C12orf56: variants seen among roughly 807,000 people sequenced by gnomAD.
C12orf56 encodes the protein uncharacterized protein C12orf56.
A neutral mutation model predicts 69.9 loss-of-function variants in C12orf56; 71 were observed. That is an observed-to-expected ratio of 1.02 (90% confidence interval 0.84 to 1.24). The LOEUF is 1.24. Ranked by LOEUF, C12orf56 falls within the 50% of genes most tolerant of loss-of-function variation. C12orf56 has a pLI of 0.00. For synonymous variants in C12orf56, 276 were observed against 274.1 expected (o/e 1.01, Z -0.07); for missense variants, 732 against 738.5 (o/e 0.99, Z 0.10).
intron 3 of C12orf56, among the ~76,000 whole-genome samples, chr12:64,319,238 G>GTATA (rs1480693271): frequency 6.6e-6 from 1 of 152,182 alleles, no homozygotes; most frequent in African/African-American, 2.4e-5. Flanking sequence ...ATGAAGCACT[G>GTATA]TATATATTGA....
chr12:64,348,192 T>C (rs1592475252), intron 2 of C12orf56, among the ~76,000 whole-genome samples: 1 of 152,118 alleles, frequency 6.6e-6, no homozygotes, highest in Non-Finnish European at 1.5e-5. Context: ...GCAGGAGAAT[T>C]GCTTGAACCT....
Position 64,322,859 on chromosome 12 carries a change from A to G in C12orf56, c.489-3879T>C, listed in dbSNP as rs903084520. On this transcript the variant is annotated intron_variant, in intron 3 of 12. Transcript: ENST00000543942. ...GTGCTAAAAAACTATGGGACAGTAG[A>G]CCCAGCTCCCTCTTCACCCTCCTTT... Among the ~76,000 whole-genome samples, 5 of 152,124 alleles carry G rather than the reference A, an allele frequency of 3.3e-5. No individual in the cohort carries two copies. In the East Asian group the frequency reaches 9.6e-4, roughly 29 times the overall value.
chr12:64,349,186 A>G (rs1407278630), intron 2 of C12orf56, among the ~76,000 whole-genome samples: 1 of 152,220 alleles, frequency 6.6e-6, no homozygotes, highest in Admixed American at 6.5e-5. Flanking sequence ...GAATAAAACA[A>G]TCCTATCAAA....
rs895834626 is a variant in C12orf56, at chr12:64,266,861, C to G, written c.*322G>C. ...AAGTGAGTACAGCTTTCCTAAATCC[C>G]TGCATTCCTTTTTCCTGTGTCTTGA... is the stretch of plus-strand genomic sequence containing the variant. On this transcript the variant is annotated 3_prime_UTR_variant, in exon 13 of 13. Transcript: ENST00000543942. 1 of 328,806 alleles carries G rather than the reference C, an allele frequency of 3.0e-6. No individual in the cohort carries two copies. The highest frequency in any genetic ancestry group is 5.5e-6 in the Non-Finnish European group (1 of 183,160). The allele number at this position is 328,806 out of a possible 1,614,324, so 20.4% of individuals were successfully genotyped here.
chr12:64,362,399 A>G (rs1296800773), intron 1 of C12orf56, among the ~76,000 whole-genome samples: 2 of 152,144 alleles, frequency 1.3e-5, no homozygotes, highest in Non-Finnish European at 2.9e-5. Context: ...CTTTATTAAC[A>G]AAGTAAACGA....
intron 1 of C12orf56, among the ~76,000 whole-genome samples, chr12:64,370,214 G>T (rs533661417): frequency 1.3e-5 from 2 of 148,732 alleles, no homozygotes; most frequent in Admixed American, 1.3e-4. Context: ...GTGTGGTGGC[G>T]GGCACCTGTA....
intron 1 of C12orf56, among the ~76,000 whole-genome samples, chr12:64,356,179 A>AC (rs371654958): frequency 0.083 from 12,139 of 146,068 alleles, 648 homozygotes; most frequent in Middle Eastern, 0.14. Context: ...TCAAAAAAAA[A>AC]AAAAAAAAAA....
intron 2 of C12orf56, among the ~76,000 whole-genome samples, chr12:64,348,885 A>G (rs1183176645): frequency 1.3e-5 from 2 of 152,232 alleles, no homozygotes; most frequent in East Asian, 1.9e-4. Context: ...AGATTGTGAC[A>G]TTGGAATAAA....
chr12:64,319,182 T>C (rs1392157473), intron 3 of C12orf56, among the ~76,000 whole-genome samples: 1 of 152,170 alleles, frequency 6.6e-6, no homozygotes, highest in Non-Finnish European at 1.5e-5. Context: ...TACGTTTCTG[T>C]TTTCAGAAAT....
At chr12:64,322,411 C>T (rs1421350229) in intron 3 of C12orf56, among the ~76,000 whole-genome samples, 2 of 147,228 alleles carry the variant, frequency 1.4e-5, no homozygotes, top group Non-Finnish European at 3.0e-5. Flanking sequence ...CTAAACTTTC[C>T]ATTTGGTCCC....
intron 1 of C12orf56, among the ~76,000 whole-genome samples, chr12:64,385,315 A>G (rs1031547150): frequency 6.6e-6 from 1 of 152,128 alleles, no homozygotes; most frequent in Non-Finnish European, 1.5e-5. Context: ...CAAAACAAAC[A>G]TGTGTAGACT....
intron 6 of C12orf56, among the ~76,000 whole-genome samples, chr12:64,286,944 A>G (rs2038210427): frequency 6.6e-6 from 1 of 151,888 alleles, no homozygotes; most frequent in African/African-American, 2.4e-5. Flanking sequence ...ATTTGAAAGA[A>G]GGAAGGACTT....
rs377256984 is a variant in C12orf56, at chr12:64,382,177, C to T, written c.252+8137G>A. ...ACTTGGGAGGCTGAGGCACAAGAAT[C>T]GCTTGAACCAGGAGGCGGAGTTTAT... On this transcript the variant is annotated intron_variant, in intron 1 of 12. Transcript: ENST00000543942. Among the ~76,000 whole-genome samples, 131 of 149,500 alleles carry T rather than the reference C, an allele frequency of 8.8e-4. 1 individual carries two copies. In the East Asian group the frequency reaches 0.012, roughly 13 times the overall value.
intron 2 of C12orf56, among the ~76,000 whole-genome samples, chr12:64,332,438 C>CA (rs1224565568): frequency 6.6e-6 from 1 of 152,048 alleles, no homozygotes; most frequent in East Asian, 1.9e-4. Flanking sequence ...TCCACCTCTT[C>CA]AACCACAATA....
At chr12:64,372,249 G>A (rs976006266) in intron 1 of C12orf56, among the ~76,000 whole-genome samples, 2 of 152,038 alleles carry the variant, frequency 1.3e-5, no homozygotes, top group Non-Finnish European at 2.9e-5. Context: ...AAACCCAAGA[G>A]TTCATTTGTA....
chr12:64,307,298 C>T (rs959577392), intron 5 of C12orf56, among the ~76,000 whole-genome samples: 6 of 150,768 alleles, frequency 4.0e-5, no homozygotes, highest in Admixed American at 6.6e-5. Context: ...AAAATGAATA[C>T]TTTCTTACAA....
At position 64,312,755 on chromosome 12, in the gene C12orf56, G is replaced by A. The variant is rs2038637110; in HGVS notation, c.895-3C>T. ...GGATCTTGTAAAAGAGTAGCTTTCTGAAAAAGGAAAAAGTAGAAATTGTTA... is the reference window on the plus strand; with the variant it reads ...GGATCTTGTAAAAGAGTAGCTTTCTAAAAAAGGAAAAAGTAGAAATTGTTA... On this transcript the variant is annotated splice_polypyrimidine_tract_variant and splice_region_variant and intron_variant, in intron 4 of 12. Coordinates refer to ENST00000543942, the MANE Select transcript of C12orf56 (RefSeq NM_001170633.2). The A allele has an allele frequency of 6.5e-7, 1 of 1,527,042 alleles. No homozygotes were observed. The highest frequency in any genetic ancestry group is 8.8e-7 in the Non-Finnish European group (1 of 1,139,890). 94.6% of individuals were successfully genotyped at this position (1,527,042 alleles called of 1,614,324 possible). A position where few individuals can be genotyped will look rare whatever the true frequency, so the allele number is the denominator to read the frequency against.
rs1316083818 is a variant in C12orf56 at position 64,286,181 on chromosome 12, A to G, written c.1114-121T>C. On this transcript the variant is annotated intron_variant, in intron 6 of 12. Coordinates refer to ENST00000543942, the MANE Select transcript of C12orf56 (RefSeq NM_001170633.2). Reference sequence around the variant, plus strand: ...TCTTTGATTAGAGAAGTGAATTACAATATCTCCCACTGATACTAGCATAAC... The same window carrying G: ...TCTTTGATTAGAGAAGTGAATTACAGTATCTCCCACTGATACTAGCATAAC... 4 of 660,512 alleles carry G rather than the reference A, an allele frequency of 6.1e-6. No individual in the cohort carries two copies. The Admixed American group carries it at 1.2e-4, about 20-fold the overall frequency. 40.9% of individuals were successfully genotyped at this position (660,512 alleles called of 1,614,324 possible). A position where few individuals can be genotyped will look rare whatever the true frequency, so the allele number is the denominator to read the frequency against.
Position 64,286,068 on chromosome 12 carries a change from A to G in C12orf56, c.1114-8T>C, listed in dbSNP as rs372627642. Reference sequence around the variant, plus strand: ...ATAGAAAAGGTCACTGGTCTGTGAAAGCAAGTTGGAAAAAAAGACAGTAAT... The same window carrying G: ...ATAGAAAAGGTCACTGGTCTGTGAAGGCAAGTTGGAAAAAAAGACAGTAAT... On this transcript the variant is annotated splice_region_variant and splice_polypyrimidine_tract_variant and intron_variant, in intron 6 of 12. Transcript: ENST00000543942. 12 of 1,536,894 alleles carry G rather than the reference A, an allele frequency of 7.8e-6. No homozygotes were observed. In the African/African-American group the frequency reaches 1.5e-4, roughly 19 times the overall value.
Sources: allele counts gnomAD v4.1 joint callset (sites outside exome capture counted in the v4.1 genomes callset), GRCh38; gene constraint gnomAD v4.1.1; transcripts MANE v1.5; gene names NCBI Gene and HGNC (gene_info 2026-07-23, HGNC 2026-07-21).